Variants in HK2 observed in about 807,000 individuals in gnomAD.
The protein encoded by HK2 is hexokinase-2.
HK2 carries 42 observed loss-of-function variants against 92.9 expected under a neutral mutation model. The observed-to-expected ratio is 0.45, with a 90% confidence interval of 0.35 to 0.58. The LOEUF (loss-of-function observed/expected upper bound fraction) is 0.58, where lower values mean the gene tolerates loss of function less well. Ranked by LOEUF, HK2 falls within the 20% of genes least tolerant of loss-of-function variation. The pLI is 0.00. For missense variants in HK2, 978 were observed against 1,245.1 expected, an observed-to-expected ratio of 0.79 and a Z score of 3.23; for synonymous variants, 422 against 468.0, an observed-to-expected ratio of 0.90 and a Z score of 1.27.
chr2:74,886,409 G>A lies in HK2; in HGVS notation c.2035+16G>A. The A allele has an allele frequency of 1.2e-6, 2 of 1,613,988 alleles. No homozygotes were observed. Among genetic ancestry groups the A allele is most frequent in the Non-Finnish European group, 1.7e-6 (2 of 1,179,884 alleles). ...CTCATTGTTGGTAAGGACCCAGACT[G>A]TCCTTTCCACATGGGGATGCACAGC... On this transcript the variant is annotated intron_variant, in intron 14 of 17. Coordinates refer to ENST00000290573, the MANE Select transcript of HK2 (RefSeq NM_000189.5).
intron 13 of HK2, 112 bp from the exon 14 acceptor site, chr2:74,886,182 A>G (rs1689530649): frequency 2.4e-6 from 2 of 831,302 alleles, no homozygotes; most frequent in Admixed American, 2.0e-5. Context: ...TGAGAGGGTC[A>G]GCCATGGTGT....
Position 74,892,027 on chromosome 2 carries a change from C to CA in HK2, c.*1087dup, listed in dbSNP as rs1689692240. The stretch of plus-strand genomic sequence containing the variant: ...TGTGGTCTTGGAAGTGTGTGGAAGG[C>CA]AGGGACAGAGATGGAGGCCGAGCCA... On this transcript the variant is annotated 3_prime_UTR_variant, in exon 18 of 18. Transcript: ENST00000290573. The CA allele has an allele frequency of 6.6e-6, 1 of 152,558 alleles. No individual in the cohort carries two copies. Among genetic ancestry groups the CA allele is most frequent in the African/African-American group, 2.4e-5 (1 of 41,426 alleles). The allele number at this position is 152,558 out of a possible 1,614,324, so 9.5% of individuals were successfully genotyped here. A position where few individuals can be genotyped will look rare whatever the true frequency, so the allele number is the denominator to read the frequency against.
intron 9 of HK2, among the ~76,000 whole-genome samples, chr2:74,879,308 C>T (rs1482858916): frequency 6.6e-6 from 1 of 152,144 alleles, no homozygotes; most frequent in Non-Finnish European, 1.5e-5. Context: ...CTCTGGCTGA[C>T]CTTGGTATTA....
chr2:74,873,759 A>T, intron 5 of HK2, 85 bp from the exon 6 acceptor site: 1 of 831,724 alleles, frequency 1.2e-6, no homozygotes, highest in South Asian at 1.4e-5. Flanking sequence ...GAGGAGGAGG[A>T]GGAGGAGGAG....
Position 74,853,394 on chromosome 2 carries a change from G to A in HK2, c.64-899G>A, listed in dbSNP as rs535516187. The stretch of plus-strand genomic sequence containing the variant: ...TAGCTGGGTGTGGTGGTGCACCGCT[G>A]TAATCCCAGCTACTCGGGAGGCTGA... On this transcript the variant is annotated intron_variant, in intron 1 of 17. Transcript: ENST00000290573. Among the ~76,000 whole-genome samples the A allele has an allele frequency of 3.3e-5, 5 of 152,120 alleles. No individual in the cohort carries two copies. In the East Asian group the frequency reaches 7.7e-4, roughly 24 times the overall value.
At chr2:74,859,162 C>G (rs1028013880) in intron 2 of HK2, among the ~76,000 whole-genome samples, 5 of 152,202 alleles carry the variant, frequency 3.3e-5, no homozygotes, top group Non-Finnish European at 7.3e-5. Context: ...TATCAACCCC[C>G]CAATCCTTCT....
intron 3 of HK2, among the ~76,000 whole-genome samples, chr2:74,871,781 G>T (rs1356885004): frequency 6.6e-6 from 1 of 152,142 alleles, no homozygotes; most frequent in Non-Finnish European, 1.5e-5. Context: ...TGTTAAGTTG[G>T]TTCATAGAAT....
chr2:74,880,629 C>T (rs1183391156), intron 10 of HK2, 60 bp downstream of exon 10: 4 of 1,526,626 alleles, frequency 2.6e-6, no homozygotes, highest in Non-Finnish European at 3.6e-6. Context: ...TGTTGATACC[C>T]TGGGAGGGAT....
chr2:74,861,471 G>A (rs1458470499), intron 2 of HK2, among the ~76,000 whole-genome samples: 2 of 151,664 alleles, frequency 1.3e-5, no homozygotes, highest in African/African-American at 2.4e-5. Flanking sequence ...AGCACCCATG[G>A]TGTCTGTACT....
chr2:74,846,008 G>A (rs1272446018), intron 1 of HK2, among the ~76,000 whole-genome samples: 1 of 152,242 alleles, frequency 6.6e-6, no homozygotes, highest in Non-Finnish European at 1.5e-5. Flanking sequence ...CTAGGTTAGG[G>A]CACTCGGCTG....
chr2:74,860,488 A>G (rs1317045310), intron 2 of HK2, among the ~76,000 whole-genome samples: 1 of 152,154 alleles, frequency 6.6e-6, no homozygotes, highest in Non-Finnish European at 1.5e-5. Flanking sequence ...CTGTTCCAGA[A>G]CTTCACATAT....
At chr2:74,856,542 A>G (rs1489461243) in intron 2 of HK2, among the ~76,000 whole-genome samples, 1 of 152,190 alleles carries the variant, frequency 6.6e-6, no homozygotes, top group East Asian at 1.9e-4. Flanking sequence ...CCGGAAGGCC[A>G]GGGCCTTGTC....
rs1341718964 is a variant in HK2, at chr2:74,834,188, C to T, written c.-393C>T. On this transcript the variant is annotated 5_prime_UTR_variant, in exon 1 of 18. Transcript: ENST00000290573. This position sits in a 1 kb window ranked among gnomAD's most constrained non-coding sequence, Gnocchi z 4.2. ...GCTGCCGCTGGCAACATCGTGTCACCCAGCTAAGAAAATCCGCGGGCCCGA... is the reference window on the plus strand; with the variant it reads ...GCTGCCGCTGGCAACATCGTGTCACTCAGCTAAGAAAATCCGCGGGCCCGA... The T allele has an allele frequency of 1.1e-5, 4 of 360,722 alleles. No individual in the cohort carries two copies. The highest frequency in any genetic ancestry group is 8.5e-5 in the African/African-American group (4 of 46,958). The allele number at this position is 360,722 out of a possible 1,614,324, so 22.3% of individuals were successfully genotyped here.
Position 74,853,149 on chromosome 2 carries a change from A to G in HK2, c.64-1144A>G, listed in dbSNP as rs191722391. ...TGTGTGTGTGAGCTCCAAGGCAGGG[A>G]TGGGCAAGTTGGGGAAGTTGGGGAA... On this transcript the variant is annotated intron_variant, in intron 1 of 17. Transcript: ENST00000290573. 1.1e-4 allele frequency among the ~76,000 whole-genome samples: 16 copies of G among 152,146 alleles called. No homozygotes were observed. In the East Asian group the frequency reaches 3.1e-3, roughly 29 times the overall value.
intron 2 of HK2, among the ~76,000 whole-genome samples, chr2:74,863,821 G>A (rs1215609831): frequency 6.6e-6 from 1 of 152,176 alleles, no homozygotes; most frequent in Non-Finnish European, 1.5e-5. Context: ...GGCAGAAAGG[G>A]CAGGTCCCTT....
chr2:74,840,190 C>T (rs1215911974), intron 1 of HK2, among the ~76,000 whole-genome samples: 1 of 151,188 alleles, frequency 6.6e-6, no homozygotes, highest in Non-Finnish European at 1.5e-5. Context: ...ATCTCCTGAC[C>T]TCATGATCCA....
At chr2:74,840,117 G>A (rs1442744137) in intron 1 of HK2, among the ~76,000 whole-genome samples, 1 of 151,184 alleles carries the variant, frequency 6.6e-6, no homozygotes, top group Non-Finnish European at 1.5e-5. Context: ...CACCATGTCC[G>A]GTTAATTTTT....
chr2:74,866,424 C>T (rs1023540082), intron 2 of HK2, among the ~76,000 whole-genome samples: 30 of 152,138 alleles, frequency 2.0e-4, no homozygotes, highest in African/African-American at 4.8e-4. Context: ...AGAAGACTGG[C>T]GGTGCTGCTC....
In HK2 at chr2:74,854,440, A is replaced by T; in HGVS notation, c.211A>T (p.Thr71Ser). Residue 71 changes from threonine (T) to serine (S), a missense_variant, in exon 2 of 18, where the codon ACT becomes TCT. Coordinates refer to ENST00000290573, the MANE Select transcript of HK2 (RefSeq NM_000189.5). The part of the protein sequence containing the change: ...VKMLPTFVRS[T>S]PDGTEHGEFL... ...GATGCTGCCCACCTTTGTGAGGTCC[A>T]CTCCAGATGGGACAGGTACTGCATC... The T allele has an allele frequency of 6.2e-7, 1 of 1,614,120 alleles. No individual in the cohort carries two copies. The highest frequency in any genetic ancestry group is 1.7e-5 in the Admixed American group (1 of 60,022).
Sources: gnomAD v4.1 joint callset for allele counts (sites outside exome capture counted in the v4.1 genomes callset) on GRCh38, gnomAD v4.1.1 for gene constraint, Gnocchi (gnomAD v3.1) non-coding constraint, MANE v1.5 for transcripts, NCBI Gene and HGNC (gene_info 2026-07-23, HGNC 2026-07-21) for gene names.